GTF2E1: variants seen among roughly 807,000 people sequenced by gnomAD.
The protein encoded by GTF2E1 is general transcription factor IIE subunit 1.
Under a neutral mutation model 34.9 loss-of-function variants are expected in GTF2E1, and 14 were observed. The observed-to-expected ratio is 0.40, with a 90% CI of 0.27 to 0.63. GTF2E1 has a LOEUF of 0.63. GTF2E1 is among the 20% of genes least tolerant of loss of function. The pLI is 0.39. For synonymous variants in GTF2E1, 188 were observed against 192.9 expected (o/e 0.97, Z 0.21); for missense variants, 469 against 557.7 (o/e 0.84, Z 1.60).
intron 1 of GTF2E1, chr3:120,749,689 G>A (rs1000839354): frequency 2.0e-5 from 3 of 152,132 alleles, no homozygotes; most frequent in African/African-American, 7.2e-5. Flanking sequence ...TTGCATCAAT[G>A]TTCATCAAGG....
At chr3:120,756,244 C>T (rs146016159) in intron 2 of GTF2E1, among the ~76,000 whole-genome samples, 77 of 152,252 alleles carry the variant, frequency 5.1e-4, no homozygotes, top group African/African-American at 1.8e-3. Flanking sequence ...ACGACAGTTC[C>T]CTTTCCTCCA....
At position 120,750,522 on chromosome 3, in the gene GTF2E1, G is replaced by A; in HGVS notation, c.-30-1G>A. ...AATTTTCTGTTTTTTTTTGAATTCA[G>A]TATATTTAAAGTTGGAGTTCGTTGC... On this transcript the variant is annotated splice_acceptor_variant, in intron 1 of 4. Transcript: ENST00000283875. LOFTEE classifies it low-confidence loss of function (5UTR_SPLICE). The A allele has an allele frequency of 6.5e-7, 1 of 1,547,950 alleles. No homozygotes were observed. Among genetic ancestry groups the A allele is most frequent in the East Asian group, 2.3e-5 (1 of 44,256 alleles).
intron 2 of GTF2E1, among the ~76,000 whole-genome samples, chr3:120,765,141 C>G (rs1337988133): frequency 2.0e-5 from 3 of 151,438 alleles, no homozygotes; most frequent in Admixed American, 6.6e-5. Context: ...TGCCACTGTC[C>G]CCCTCATCCC....
intron 2 of GTF2E1, among the ~76,000 whole-genome samples, chr3:120,758,391 A>G (rs997828055): frequency 6.6e-6 from 1 of 152,042 alleles, no homozygotes; most frequent in African/African-American, 2.4e-5. Context: ...AAATCTAACA[A>G]TGTAAAGTGA....
intron 1 of GTF2E1, among the ~76,000 whole-genome samples, chr3:120,744,690 A>G (rs1709090701): frequency 6.6e-6 from 1 of 151,464 alleles, no homozygotes; most frequent in African/African-American, 2.4e-5. Flanking sequence ...CTCTTCTTGC[A>G]ATTTTTTTGC....
chr3:120,751,729 TAA>T (rs1336828539), intron 2 of GTF2E1, among the ~76,000 whole-genome samples: 1 of 152,132 alleles, frequency 6.6e-6, no homozygotes, highest in Non-Finnish European at 1.5e-5. Flanking sequence ...GTTTACACAA[TAA>T]AAAAGAGACT....
Position 120,750,992 on chromosome 3 carries a change from C to G in GTF2E1, c.440C>G (p.Pro147Arg), listed in dbSNP as rs758063838. Residue 147 changes from proline (P) to arginine (R), a missense_variant, in exon 2 of 5, where the codon CCT (proline) becomes CGT (arginine). Physicochemically the swap from Pro to Arg is moderately radical, Grantham distance 103 (BLOSUM62 -2). Coordinates refer to ENST00000283875, the MANE Select transcript of GTF2E1 (RefSeq NM_005513.3). The part of the protein sequence containing the change: ...TDLEANQLFD[P>R]MTGTFRCTFC... ...TTAGAAGCTAATCAGCTCTTTGATC[C>G]TATGACAGGTGAGGTTTATCCAGTT... 1 of 1,604,726 alleles carries G rather than the reference C, an allele frequency of 6.2e-7. No homozygotes were observed. The highest frequency in any genetic ancestry group is 1.1e-5 in the South Asian group (1 of 90,794).
chr3:120,745,760 G>A (rs1709099744), intron 1 of GTF2E1, among the ~76,000 whole-genome samples: 1 of 152,168 alleles, frequency 6.6e-6, no homozygotes, highest in Non-Finnish European at 1.5e-5. Context: ...GACAACTGTT[G>A]AGGATGTAAA....
At chr3:120,776,762 A>G (rs1709404509) in intron 4 of GTF2E1, 98 bp downstream of exon 4, 4 of 1,063,604 alleles carry the variant, frequency 3.8e-6, no homozygotes, top group Admixed American at 2.3e-5. Context: ...GATCTGTTCT[A>G]CAGAACAATT....
At chr3:120,745,644 G>A (rs1465328540) in intron 1 of GTF2E1, among the ~76,000 whole-genome samples, 2 of 152,206 alleles carry the variant, frequency 1.3e-5, no homozygotes, top group African/African-American at 2.4e-5. Context: ...CATGTATGGG[G>A]CAGGGAAGGA....
chr3:120,751,044 T>G (rs772318941), intron 2 of GTF2E1, 44 bp downstream of exon 2: 1 of 1,236,084 alleles, frequency 8.1e-7, no homozygotes, highest in South Asian at 1.4e-5. Flanking sequence ...AAAGTGTGTA[T>G]TACCTTTTTT....
intron 3 of GTF2E1, among the ~76,000 whole-genome samples, chr3:120,775,044 T>C (rs1238511442): frequency 6.6e-6 from 1 of 152,048 alleles, no homozygotes; most frequent in East Asian, 1.9e-4. Context: ...AAACACAGTG[T>C]AATTTAGGGA....
chr3:120,750,455 G>T, intron 1 of GTF2E1, 68 bp from the exon 2 acceptor site: 3 of 914,846 alleles, frequency 3.3e-6, no homozygotes, highest in Non-Finnish European at 5.1e-6. Flanking sequence ...TTCTGGCACT[G>T]CAAGGATAGT....
At chr3:120,754,598 G>A (rs1709192807) in intron 2 of GTF2E1, among the ~76,000 whole-genome samples, 1 of 151,984 alleles carries the variant, frequency 6.6e-6, no homozygotes, top group Non-Finnish European at 1.5e-5. Flanking sequence ...ATTCTTGGCA[G>A]TGGGAATATT....
intron 4 of GTF2E1, among the ~76,000 whole-genome samples, chr3:120,778,440 A>C (rs1709419192): frequency 6.6e-6 from 1 of 152,202 alleles, no homozygotes; most frequent in African/African-American, 2.4e-5. Context: ...ACTTCAAGTC[A>C]TGTTGATATC....
intron 2 of GTF2E1, among the ~76,000 whole-genome samples, chr3:120,770,343 C>T (rs1240070104): frequency 1.3e-5 from 2 of 152,092 alleles, no homozygotes; most frequent in Non-Finnish European, 2.9e-5. Flanking sequence ...TGGCTTTCCC[C>T]ATAACGTAGG....
At chr3:120,780,670 C>T (rs555408058) in intron 4 of GTF2E1, among the ~76,000 whole-genome samples, 3 of 152,278 alleles carry the variant, frequency 2.0e-5, no homozygotes, top group East Asian at 1.9e-4. Context: ...CTAGTCGATT[C>T]TTCATAGACA....
At chr3:120,751,493 G>A (rs1447328247) in intron 2 of GTF2E1, among the ~76,000 whole-genome samples, 2 of 152,142 alleles carry the variant, frequency 1.3e-5, no homozygotes, top group Non-Finnish European at 2.9e-5. Flanking sequence ...TGAAATAAGA[G>A]GGGAATTCTT....
intron 4 of GTF2E1, among the ~76,000 whole-genome samples, chr3:120,778,288 A>G (rs1349209467): frequency 6.6e-6 from 1 of 152,226 alleles, no homozygotes; most frequent in Non-Finnish European, 1.5e-5. Context: ...TATCTGGTCT[A>G]CTTAAGTTTT....
Sources: gnomAD v4.1 joint callset for allele counts (sites outside exome capture counted in the v4.1 genomes callset) on GRCh38, gnomAD v4.1.1 for gene constraint, MANE v1.5 for transcripts, NCBI Gene and HGNC (gene_info 2026-07-23, HGNC 2026-07-21) for gene names.